The following LPGAT1 variants were observed in gnomAD, a reference collection of about 807,000 sequenced individuals.
LPGAT1 encodes acyl-CoA:lysophosphatidylglycerol acyltransferase 1.
In LPGAT1, 11 loss-of-function variants were observed where a neutral mutation model predicts 47.5. The observed-to-expected ratio is 0.23, with a 90% CI of 0.15 to 0.38. The LOEUF (loss-of-function observed/expected upper bound fraction) is 0.38. Among genes scored for constraint, LPGAT1 ranks in the 10% least tolerant of loss-of-function variants. The pLI, the probability that LPGAT1 is intolerant of heterozygous loss-of-function variation, is 1.00. For missense variants in LPGAT1, 293 were observed against 439.0 expected, an observed-to-expected ratio of 0.67 and a Z score of 2.97; for synonymous variants, 138 against 144.2, an observed-to-expected ratio of 0.96 and a Z score of 0.31.
At chr1:211,809,242 TAGC>T (rs1659877622) in intron 2 of LPGAT1, among the ~76,000 whole-genome samples, 1 of 151,130 alleles carries the variant, frequency 6.6e-6, no homozygotes, top group African/African-American at 2.4e-5. Flanking sequence ...AGAGCTGAGG[TAGC>T]TAAGACTTCA....
At chr1:211,803,427 TG>T (rs1444685385) in intron 2 of LPGAT1, among the ~76,000 whole-genome samples, 1 of 152,280 alleles carries the variant, frequency 6.6e-6, no homozygotes, top group East Asian at 1.9e-4. Flanking sequence ...CAGTCCAAAT[TG>T]GAGCAAGTTA....
At chr1:211,828,612 A>G (rs1331053788) in intron 2 of LPGAT1, among the ~76,000 whole-genome samples, 1 of 152,232 alleles carries the variant, frequency 6.6e-6, no homozygotes, top group Non-Finnish European at 1.5e-5. Flanking sequence ...AAAGGCTAAC[A>G]GTACAATATC....
chr1:211,815,526 CTT>C (rs1660140783), intron 2 of LPGAT1, among the ~76,000 whole-genome samples: 1 of 152,152 alleles, frequency 6.6e-6, no homozygotes, highest in Non-Finnish European at 1.5e-5. Context: ...ACTGGCTTCT[CTT>C]GAGTCCATTT....
intron 2 of LPGAT1, among the ~76,000 whole-genome samples, chr1:211,798,246 G>A (rs1260826861): frequency 2.0e-5 from 3 of 152,132 alleles, no homozygotes; most frequent in African/African-American, 7.2e-5. Flanking sequence ...TTAATGCTAC[G>A]TAAACATGTT....
chr1:211,819,862 G>C (rs1660307496), intron 2 of LPGAT1, among the ~76,000 whole-genome samples: 1 of 152,044 alleles, frequency 6.6e-6, no homozygotes, highest in Non-Finnish European at 1.5e-5. Context: ...GCAGACGCCT[G>C]TACTGCCAGC....
chr1:211,822,877 G>A (rs1660410955), intron 2 of LPGAT1, among the ~76,000 whole-genome samples: 1 of 152,056 alleles, frequency 6.6e-6, no homozygotes, highest in South Asian at 2.1e-4. Flanking sequence ...AAATTCCAGT[G>A]GAGTTTTTGT....
At chr1:211,772,773 T>G (rs1003325580) in intron 6 of LPGAT1, among the ~76,000 whole-genome samples, 1 of 152,140 alleles carries the variant, frequency 6.6e-6, no homozygotes, top group African/African-American at 2.4e-5. Context: ...AAGTCTGAAA[T>G]TTTCTGTAAT....
At chr1:211,752,317 T>C (rs750907288) in intron 6 of LPGAT1, among the ~76,000 whole-genome samples, 9 of 152,230 alleles carry the variant, frequency 5.9e-5, no homozygotes, top group Non-Finnish European at 1.2e-4. Context: ...GAAAATATTC[T>C]ACGCTTTGCA....
In LPGAT1 at chr1:211,746,243, C is replaced by T. The variant is rs1656937541; in HGVS notation, c.*3656G>A. On this transcript the variant is annotated 3_prime_UTR_variant, in exon 8 of 8. Transcript: ENST00000366997. ...GCTTCTTAACATGAATCCAAGACAG[C>T]AACACTAGAATAATGTTCCCAGGTT... The T allele has an allele frequency of 6.6e-6, 1 of 152,614 alleles. No homozygotes were observed. The highest frequency in any genetic ancestry group is 6.5e-5 in the Admixed American group (1 of 15,274). 9.5% of individuals were successfully genotyped at this position (152,614 alleles called of 1,614,324 possible). A position where few individuals can be genotyped will look rare whatever the true frequency, so the allele number is the denominator to read the frequency against.
chr1:211,829,225 G>A lies in LPGAT1; in HGVS notation c.72C>T (p.Phe24=), dbSNP rs774379063. 5 of 1,614,188 alleles carry A rather than the reference G, an allele frequency of 3.1e-6. No individual in the cohort carries two copies. The highest frequency in any genetic ancestry group is 2.2e-5 in the East Asian group (1 of 44,886). Reference sequence around the variant, plus strand: ...TAGCAACCAGGTTGTTGACGACCATGAAGGCAAACCTCATCAGTGCTTTCA... The same window carrying A: ...TAGCAACCAGGTTGTTGACGACCATAAAGGCAAACCTCATCAGTGCTTTCA... The part of the protein sequence containing the change: ...LLVKALMRFA[F]MVVNNLVAIP... Residue 24 remains phenylalanine (F), a synonymous_variant, in exon 2 of 8, where the codon TTC becomes TTT. Transcript: ENST00000366997.
intron 6 of LPGAT1, among the ~76,000 whole-genome samples, chr1:211,758,197 T>G (rs1173686776): frequency 1.3e-5 from 2 of 152,174 alleles, no homozygotes. Context: ...TTCTAAGAAG[T>G]TTCCAGGTAT....
intron 5 of LPGAT1, among the ~76,000 whole-genome samples, chr1:211,782,730 C>T (rs1658693346): frequency 6.6e-6 from 1 of 151,986 alleles, no homozygotes; most frequent in Admixed American, 6.6e-5. Context: ...GCAAGACTGT[C>T]TCCCAAGAAA....
intron 3 of LPGAT1, among the ~76,000 whole-genome samples, chr1:211,790,674 G>C (rs955876773): frequency 6.6e-6 from 1 of 152,042 alleles, no homozygotes; most frequent in South Asian, 2.1e-4. Flanking sequence ...AATTACTTGG[G>C]ATAGAAAAAT....
intron 2 of LPGAT1, among the ~76,000 whole-genome samples, chr1:211,807,502 A>C (rs1659804736): frequency 6.6e-6 from 1 of 152,214 alleles, no homozygotes; most frequent in South Asian, 2.1e-4. Flanking sequence ...CCCAGTTTTA[A>C]AACTTACCAT....
chr1:211,751,395 G>A (rs1035869218), intron 6 of LPGAT1, among the ~76,000 whole-genome samples: 2 of 152,180 alleles, frequency 1.3e-5, no homozygotes, highest in African/African-American at 4.8e-5. Context: ...GGTTTAAGTA[G>A]AAATGGTATT....
At chr1:211,773,791 T>C (rs572241461) in intron 6 of LPGAT1, among the ~76,000 whole-genome samples, 3 of 152,164 alleles carry the variant, frequency 2.0e-5, no homozygotes, top group African/African-American at 4.8e-5. Flanking sequence ...TCCAGTTTGA[T>C]AGAAATAAAA....
chr1:211,786,822 AT>A (rs1232990181), intron 4 of LPGAT1, among the ~76,000 whole-genome samples: 1 of 152,210 alleles, frequency 6.6e-6, no homozygotes, highest in African/African-American at 2.4e-5. Flanking sequence ...CTACTATATT[AT>A]ACAACAGTGC....
At chr1:211,776,052 C>CT (rs11458103) in intron 6 of LPGAT1, among the ~76,000 whole-genome samples, 45,411 of 148,430 alleles carry the variant, frequency 0.31, 7,902 homozygotes, top group Non-Finnish European at 0.41. Flanking sequence ...TATGTTGGCT[C>CT]TTTTTTTTTT....
chr1:211,782,643 G>A (rs1389712281), intron 5 of LPGAT1, among the ~76,000 whole-genome samples: 2 of 151,990 alleles, frequency 1.3e-5, no homozygotes, highest in African/African-American at 4.8e-5. Context: ...GTTGAGGTGG[G>A]AAGATCGCTT....
Sources: allele counts gnomAD v4.1 joint callset (sites outside exome capture counted in the v4.1 genomes callset), GRCh38; gene constraint gnomAD v4.1.1; transcripts MANE v1.5; gene names NCBI Gene and HGNC (gene_info 2026-07-23, HGNC 2026-07-21).